The following ROBO3 variants were observed in gnomAD, a reference collection of about 807,000 sequenced individuals.
The protein encoded by ROBO3 is roundabout guidance receptor 3, also known as roundabout homolog 3.
A neutral mutation model predicts 160.5 loss-of-function variants in ROBO3; 97 were observed. The observed-to-expected ratio is 0.60, with a 90% confidence interval of 0.51 to 0.72. ROBO3 has a LOEUF of 0.72. ROBO3 is among the 30% of genes least tolerant of loss of function. The pLI is 0.00. For missense variants in ROBO3, 1,858 were observed against 1,846.5 expected (o/e 1.01, Z -0.11); for synonymous variants, 780 against 746.2 (o/e 1.05, Z -0.74).
Position 124,875,648 on chromosome 11 carries a change from TC to T in ROBO3, c.2388del (p.Ser797ProfsTer207). On this transcript the variant is annotated frameshift_variant, in exon 15 of 28. Transcript: ENST00000397801. LOFTEE classifies it high-confidence loss of function. ...SSITVSWEPP[L>X]PSQQNGVITE... ...ATCACTGTGTCCTGGGAACCTCCAC[TC>T]CCCTCCCAGCAAAATGGGGTCATCA... 6.2e-7 allele frequency: 1 copy of T among 1,609,274 alleles called. No homozygotes were observed. Among genetic ancestry groups the T allele is most frequent in the Non-Finnish European group, 8.5e-7 (1 of 1,178,056 alleles).
chr11:124,879,449 T>C lies in ROBO3; in HGVS notation c.3686-16T>C. The C allele has an allele frequency of 6.2e-7, 1 of 1,612,578 alleles. No homozygotes were observed. The highest frequency in any genetic ancestry group is 1.1e-5 in the South Asian group (1 of 90,906). ...TTGCCCTTACCCATTCCTCTTCCCG[T>C]CTCCTAACACTGCAGGCAGAACCTG... On this transcript the variant is annotated splice_polypyrimidine_tract_variant and intron_variant, in intron 24 of 27. Coordinates refer to ENST00000397801, the MANE Select transcript of ROBO3 (RefSeq NM_022370.4).
Sources: allele counts gnomAD v4.1 joint callset, GRCh38; gene constraint gnomAD v4.1.1; transcripts MANE v1.5; gene names NCBI Gene and HGNC (gene_info 2026-07-23, HGNC 2026-07-21).